The following KIAA0825 variants were observed in gnomAD, a reference collection of about 807,000 sequenced individuals.
The protein encoded by KIAA0825 is uncharacterized protein KIAA0825.
A neutral mutation model predicts 147.6 loss-of-function variants in KIAA0825; 119 were observed. The ratio of observed to expected loss-of-function variants is 0.81; its 90% CI spans 0.69 to 0.94. The LOEUF is 0.94. Among genes scored for constraint, KIAA0825 ranks in the 40% least tolerant of loss-of-function variants. The pLI is 0.00. For synonymous variants in KIAA0825, 470 were observed against 518.1 expected (o/e 0.91, Z 1.26); for missense variants, 1,381 against 1,472.7 (o/e 0.94, Z 1.02).
intron 1 of KIAA0825, chr5:94,592,904 G>T: frequency 3.4e-6 from 2 of 582,190 alleles, no homozygotes; most frequent in Admixed American, 2.5e-5. Flanking sequence ...ATGAATAAGT[G>T]TATAGATGAG....
Position 94,618,581 on chromosome 5 carries a change from T to C in KIAA0825, c.-234A>G, listed in dbSNP as rs1791219832. 1 of 154,300 alleles carries C rather than the reference T, an allele frequency of 6.5e-6. No homozygotes were observed. Among genetic ancestry groups the C allele is most frequent in the African/African-American group, 2.4e-5 (1 of 41,502 alleles). The allele number at this position is 154,300 out of a possible 1,614,324, so 9.6% of individuals were successfully genotyped here. A position where few individuals can be genotyped will look rare whatever the true frequency, so the allele number is the denominator to read the frequency against. ...AGCTCTGCACCAGGTATTACCACCC[T>C]GGCGACGGCTCCGGAGCGTCACTGA... On this transcript the variant is annotated 5_prime_UTR_variant, in exon 1 of 21. Transcript: ENST00000682413.
intron 2 of KIAA0825, among the ~76,000 whole-genome samples, chr5:94,581,175 C>T (rs1782099171): frequency 6.6e-6 from 1 of 151,800 alleles, no homozygotes. Context: ...GAGGTGATAA[C>T]ACCAACAAGA....
intron 1 of KIAA0825, among the ~76,000 whole-genome samples, chr5:94,596,178 A>G (rs560865445): frequency 6.6e-6 from 1 of 152,152 alleles, no homozygotes; most frequent in South Asian, 2.1e-4. Flanking sequence ...CCAGAACTGT[A>G]TTTTCTAGGT....
In KIAA0825 at chr5:94,156,815, T is replaced by C. The variant is rs184127499; in HGVS notation, c.3711-2691A>G. Among the ~76,000 whole-genome samples the C allele has an allele frequency of 2.6e-5, 4 of 152,284 alleles. No homozygotes were observed. In the East Asian group the frequency reaches 5.8e-4, roughly 22 times the overall value. ...TGGATGAAAAAATATTAGAACTACA[T>C]TTTCCTTAATAGTTTTACTCATATT... On this transcript the variant is annotated intron_variant, in intron 20 of 20. Transcript: ENST00000682413.
Position 94,473,349 on chromosome 5 carries a change from T to G in KIAA0825, c.1398A>C (p.Gln466His), listed in dbSNP as rs1562532722. Residue 466 changes from glutamine to histidine, a missense_variant, in exon 8 of 21, where the codon CAA (glutamine) becomes CAC (histidine). Transcript: ENST00000682413. The part of the protein sequence containing the change: ...SYAMNLVNVQ[Q>H]VWQDSHMFPE... ...GAAACATATGGCTGTCTTGCCAAAC[T>G]TGCTGGACATTTACAAGGTTCATAG... 6.4e-7 allele frequency: 1 copy of G among 1,551,870 alleles called. No individual in the cohort carries two copies. The highest frequency in any genetic ancestry group is 1.4e-5 in the African/African-American group (1 of 73,182).
intron 20 of KIAA0825, among the ~76,000 whole-genome samples, chr5:94,230,668 T>C (rs1050427086): frequency 5.9e-5 from 9 of 152,296 alleles, no homozygotes; most frequent in African/African-American, 1.9e-4. Context: ...GTCTGCCATA[T>C]TTAACAAACA....
intron 20 of KIAA0825, among the ~76,000 whole-genome samples, chr5:94,342,144 C>T (rs978968009): frequency 1.2e-4 from 18 of 151,404 alleles, no homozygotes; most frequent in Non-Finnish European, 1.0e-4. Context: ...TGCAGTGTGC[C>T]GAGACCGCAC....
chr5:94,201,500 T>C lies in KIAA0825; in HGVS notation c.3711-47376A>G, dbSNP rs552210909. 1.2e-3 allele frequency among the ~76,000 whole-genome samples: 187 copies of C among 152,188 alleles called. 1 individual carries two copies. Among genetic ancestry groups the C allele is most frequent in the African/African-American group, 4.0e-3 (166 of 41,550 alleles). On this transcript the variant is annotated intron_variant, in intron 20 of 20. Coordinates refer to ENST00000682413, the MANE Select transcript of KIAA0825 (RefSeq NM_001145678.3). ...ACGGCCTACTGCAGCCTTGATCCTT[T>C]GTGCTCAAGTGGTCATCCTGCCTCA...
At chr5:94,235,539 A>C (rs1191570286) in intron 20 of KIAA0825, among the ~76,000 whole-genome samples, 6 of 152,222 alleles carry the variant, frequency 3.9e-5, no homozygotes. Flanking sequence ...GCTGATGGAG[A>C]AGCTGCAGCG....
intron 5 of KIAA0825, among the ~76,000 whole-genome samples, chr5:94,496,486 C>T (rs1343383408): frequency 2.0e-5 from 3 of 152,124 alleles, no homozygotes; most frequent in South Asian, 2.1e-4. Context: ...AGATTACTGA[C>T]ACACAAAGGC....
At chr5:94,364,525 G>GCGCC (rs1745549398) in intron 20 of KIAA0825, among the ~76,000 whole-genome samples, 1 of 151,970 alleles carries the variant, frequency 6.6e-6, no homozygotes, top group Non-Finnish European at 1.5e-5. Context: ...GGGACTACAG[G>GCGCC]CACCTGACAC....
chr5:94,442,725 T>TA (rs1341424412), intron 13 of KIAA0825, among the ~76,000 whole-genome samples: 2 of 152,278 alleles, frequency 1.3e-5, no homozygotes, highest in Non-Finnish European at 2.9e-5. Context: ...GTTTTGAACA[T>TA]TTCCTACCTA....
intron 2 of KIAA0825, among the ~76,000 whole-genome samples, chr5:94,552,907 C>T (rs766593565): frequency 1.3e-5 from 2 of 152,024 alleles, no homozygotes; most frequent in Admixed American, 1.3e-4. Flanking sequence ...TTAAAGGACA[C>T]AAAATTACAG....
intron 2 of KIAA0825, among the ~76,000 whole-genome samples, chr5:94,563,869 C>A (rs558950588): frequency 0.013 from 1,993 of 151,882 alleles, 43 homozygotes; most frequent in African/African-American, 0.045. Context: ...ATTTTTAGTT[C>A]GAGATGGGGT....
At chr5:94,166,663 A>G (rs1254901508) in intron 20 of KIAA0825, among the ~76,000 whole-genome samples, 3 of 151,734 alleles carry the variant, frequency 2.0e-5, no homozygotes, top group Non-Finnish European at 4.4e-5. Flanking sequence ...ACGCACCACC[A>G]TGCCCAGCTA....
intron 1 of KIAA0825, chr5:94,594,842 T>C (rs1784982309): frequency 5.4e-6 from 2 of 368,698 alleles, no homozygotes; most frequent in South Asian, 5.0e-5. Flanking sequence ...TTTGGACTTA[T>C]TTTAATTAAG....
intron 17 of KIAA0825, among the ~76,000 whole-genome samples, chr5:94,393,972 C>T (rs1269266231): frequency 3.3e-5 from 5 of 151,946 alleles, no homozygotes; most frequent in Admixed American, 3.3e-4. Flanking sequence ...TCTCAGCCTC[C>T]CTCAGCTGGG....
chr5:94,554,645 T>A (rs1369968106), intron 2 of KIAA0825, among the ~76,000 whole-genome samples: 1 of 147,656 alleles, frequency 6.8e-6, no homozygotes, highest in African/African-American at 2.5e-5. Context: ...CTAAAATGGC[T>A]AAATAATAAT....
chr5:94,501,568 C>T (rs1438965742), intron 5 of KIAA0825, among the ~76,000 whole-genome samples: 1 of 152,154 alleles, frequency 6.6e-6, no homozygotes, highest in Non-Finnish European at 1.5e-5. Flanking sequence ...GCCTTTTGTC[C>T]AGGCTTCTTT....
Sources: allele counts gnomAD v4.1 joint callset (sites outside exome capture counted in the v4.1 genomes callset), GRCh38; gene constraint gnomAD v4.1.1; transcripts MANE v1.5; gene names NCBI Gene and HGNC (gene_info 2026-07-23, HGNC 2026-07-21).